The following PLEKHM3 variants were observed in gnomAD, a reference collection of about 807,000 sequenced individuals.
PLEKHM3 encodes the protein pleckstrin homology domain containing M3, also known as pleckstrin homology domain-containing family M member 3.
PLEKHM3 carries 45 observed loss-of-function variants against 81.8 expected under a neutral mutation model. The observed-to-expected ratio is 0.55, with a 90% CI of 0.43 to 0.71. The LOEUF is 0.71. PLEKHM3 is among the 30% of genes least tolerant of loss of function. The probability of loss-of-function intolerance (pLI) is 0.00; values close to 1 mark genes in which losing one functional copy is unlikely to be tolerated. For missense variants in PLEKHM3, 788 were observed against 924.3 expected, an observed-to-expected ratio of 0.85 and a Z score of 1.91; for synonymous variants, 352 against 356.4, an observed-to-expected ratio of 0.99 and a Z score of 0.14.
At chr2:207,906,227 T>G (rs1441887089) in intron 6 of PLEKHM3, among the ~76,000 whole-genome samples, 2 of 152,208 alleles carry the variant, frequency 1.3e-5, no homozygotes, top group African/African-American at 2.4e-5. Context: ...CAGGTAGACT[T>G]CAGAAAATAG....
At position 207,909,939 on chromosome 2, in the gene PLEKHM3, T is replaced by C. The variant is rs1255599218; in HGVS notation, c.1887-1362A>G. Among the ~76,000 whole-genome samples, 5 of 152,184 alleles carry C rather than the reference T, an allele frequency of 3.3e-5. No individual in the cohort carries two copies. The East Asian group carries it at 9.6e-4, about 29-fold the overall frequency. On this transcript the variant is annotated intron_variant, in intron 5 of 7. Coordinates refer to ENST00000427836, the MANE Select transcript of PLEKHM3 (RefSeq NM_001080475.3). The stretch of plus-strand genomic sequence containing the variant: ...TAAGCACACATTGCATATCAGACAC[T>C]ATTAGACTACTGAAAATGGAGCACT...
chr2:208,011,663 T>C (rs979529847), intron 1 of PLEKHM3, among the ~76,000 whole-genome samples: 2 of 151,772 alleles, frequency 1.3e-5, no homozygotes, highest in Non-Finnish European at 2.9e-5. Flanking sequence ...GTTCAGTGTA[T>C]ACTGCCTGGG....
rs1399739442 is a variant in PLEKHM3, at chr2:207,828,184, A to G, written c.*135T>C. 1 of 668,978 alleles carries G rather than the reference A, an allele frequency of 1.5e-6. No homozygotes were observed. The highest frequency in any genetic ancestry group is 2.3e-6 in the Non-Finnish European group (1 of 428,866). The allele number at this position is 668,978 out of a possible 1,614,324, so 41.4% of individuals were successfully genotyped here. On this transcript the variant is annotated 3_prime_UTR_variant, in exon 8 of 8. Transcript: ENST00000427836. The stretch of plus-strand genomic sequence containing the variant: ...TATAGGTATTTGCGTATATATAAAT[A>G]AATATATATATCTATATCTAGTTGA...
chr2:208,007,431 A>G (rs1692530720), intron 1 of PLEKHM3, among the ~76,000 whole-genome samples: 1 of 152,196 alleles, frequency 6.6e-6, no homozygotes, highest in Non-Finnish European at 1.5e-5. Flanking sequence ...TGCCGCAAGC[A>G]GCTAGTAAGG....
intron 6 of PLEKHM3, among the ~76,000 whole-genome samples, chr2:207,892,341 C>T (rs1199967526): frequency 8.5e-5 from 13 of 152,188 alleles, no homozygotes. Context: ...ATTTACCATA[C>T]ACATCCATAC....
chr2:207,951,281 G>T (rs1690319399), intron 3 of PLEKHM3, among the ~76,000 whole-genome samples: 1 of 152,132 alleles, frequency 6.6e-6, no homozygotes, highest in Admixed American at 6.6e-5. Context: ...GAAAAATAGA[G>T]CTGTAAAGTA....
chr2:207,995,312 T>C (rs913643104), intron 2 of PLEKHM3, among the ~76,000 whole-genome samples: 3 of 152,238 alleles, frequency 2.0e-5, no homozygotes, highest in Admixed American at 6.5e-5. Flanking sequence ...AAGGCACACA[T>C]AAATCTTTCT....
chr2:207,979,010 T>C (rs974814209), intron 2 of PLEKHM3, among the ~76,000 whole-genome samples: 5 of 152,192 alleles, frequency 3.3e-5, no homozygotes, highest in Non-Finnish European at 7.3e-5. Context: ...GAACATTGCC[T>C]TGTACATAGT....
At chr2:207,961,085 T>C (rs1307461289) in intron 3 of PLEKHM3, among the ~76,000 whole-genome samples, 2 of 152,250 alleles carry the variant, frequency 1.3e-5, no homozygotes, top group Non-Finnish European at 2.9e-5. Context: ...CGGGGCCATA[T>C]AATAAATCAG....
intron 5 of PLEKHM3, among the ~76,000 whole-genome samples, chr2:207,928,930 A>C (rs950677734): frequency 6.6e-6 from 1 of 152,206 alleles, no homozygotes; most frequent in African/African-American, 2.4e-5. Flanking sequence ...GATGGGTCAG[A>C]CATTGCGCTA....
intron 5 of PLEKHM3, among the ~76,000 whole-genome samples, chr2:207,908,802 T>A (rs1559231649): frequency 6.6e-6 from 1 of 152,232 alleles, no homozygotes; most frequent in Non-Finnish European, 1.5e-5. Flanking sequence ...TGACTTCTAA[T>A]GTAATCTTAA....
chr2:208,021,722 C>T (rs955476823), intron 1 of PLEKHM3, among the ~76,000 whole-genome samples: 4 of 152,228 alleles, frequency 2.6e-5, no homozygotes, highest in Non-Finnish European at 5.9e-5. Flanking sequence ...CCTATTCACC[C>T]TCCACTGGAA....
At chr2:207,872,825 TCAAACAAA>T (rs113370682) in intron 6 of PLEKHM3, among the ~76,000 whole-genome samples, 8,325 of 152,114 alleles carry the variant, frequency 0.055, 315 homozygotes, top group South Asian at 0.076. Context: ...AGACTCCGTC[TCAAACAAA>T]CAAACAAACA....
chr2:207,920,604 A>G (rs1689148835), intron 5 of PLEKHM3, among the ~76,000 whole-genome samples: 1 of 152,122 alleles, frequency 6.6e-6, no homozygotes, highest in Admixed American at 6.5e-5. Context: ...AATGATTTCT[A>G]AATCTACTTG....
chr2:207,948,197 CCACAGT>C (rs754833779), intron 3 of PLEKHM3, among the ~76,000 whole-genome samples: 18 of 152,314 alleles, frequency 1.2e-4, no homozygotes, highest in Admixed American at 2.6e-4. Flanking sequence ...GGACATCTTG[CCACAGT>C]CACAGGGCTG....
intron 1 of PLEKHM3, among the ~76,000 whole-genome samples, chr2:208,020,317 A>T (rs536045377): frequency 3.9e-4 from 59 of 152,362 alleles, no homozygotes; most frequent in African/African-American, 1.3e-3. Context: ...TCAGATTAAC[A>T]ATTAATGAGT....
At chr2:207,956,907 G>C (rs1690533643) in intron 3 of PLEKHM3, among the ~76,000 whole-genome samples, 1 of 151,858 alleles carries the variant, frequency 6.6e-6, no homozygotes, top group Non-Finnish European at 1.5e-5. Context: ...AGCAAGAAAA[G>C]CTGGAAGGGG....
At chr2:207,885,109 G>A (rs886205606) in intron 6 of PLEKHM3, among the ~76,000 whole-genome samples, 1 of 152,228 alleles carries the variant, frequency 6.6e-6, no homozygotes, top group Non-Finnish European at 1.5e-5. Flanking sequence ...CTCCACACCA[G>A]CTAGTCATAT....
At chr2:207,952,535 T>A (rs1336013703) in intron 3 of PLEKHM3, among the ~76,000 whole-genome samples, 2 of 152,364 alleles carry the variant, frequency 1.3e-5, no homozygotes, top group Non-Finnish European at 2.9e-5. Context: ...CATTAAGTAG[T>A]GAAATTTTGA....
Sources: allele counts gnomAD v4.1 joint callset (sites outside exome capture counted in the v4.1 genomes callset), GRCh38; gene constraint gnomAD v4.1.1; transcripts MANE v1.5; gene names NCBI Gene and HGNC (gene_info 2026-07-23, HGNC 2026-07-21).